The following PCBP3 variants were observed in gnomAD, a reference collection of about 807,000 sequenced individuals.
The protein encoded by PCBP3 is poly(rC)-binding protein 3.
In PCBP3, 25 loss-of-function variants were observed where a neutral mutation model predicts 52.7. That is an observed-to-expected ratio of 0.47 (90% CI 0.35 to 0.66). The LOEUF is 0.66. PCBP3 is among the 30% of genes least tolerant of loss of function. PCBP3 has a pLI of 0.01. For missense variants in PCBP3, 391 were observed against 490.3 expected (o/e 0.80, Z 1.91); for synonymous variants, 162 against 183.0 (o/e 0.89, Z 0.93).
intron 2 of PCBP3, among the ~76,000 whole-genome samples, chr21:45,722,951 T>C (rs1336882294): frequency 6.6e-6 from 1 of 151,308 alleles, no homozygotes; most frequent in African/African-American, 2.4e-5. Context: ...GAGGTGGAGG[T>C]TGCAGTGAGC....
chr21:45,939,913 T>C, intron 16 of PCBP3, 117 bp from the exon 17 acceptor site: 1 of 900,048 alleles, frequency 1.1e-6, no homozygotes. Context: ...GCTCAGGTCT[T>C]GGGGCAGAGT....
chr21:45,695,613 A>G (rs565016103), intron 2 of PCBP3, among the ~76,000 whole-genome samples: 12 of 152,214 alleles, frequency 7.9e-5, no homozygotes, highest in Non-Finnish European at 1.8e-4. Context: ...TATTCTTTAC[A>G]GTGGCCTTTA....
At chr21:45,930,111 G>C in intron 14 of PCBP3, 116 bp downstream of exon 14, 1 of 688,932 alleles carries the variant, frequency 1.5e-6, no homozygotes, top group South Asian at 2.3e-5. Flanking sequence ...TGTGAGTGCC[G>C]GTGCTGCGGC....
intron 16 of PCBP3, 107 bp from the exon 17 acceptor site, chr21:45,939,923 T>G (rs1282286923): frequency 9.9e-7 from 1 of 1,008,416 alleles, no homozygotes; most frequent in Non-Finnish European, 1.5e-6. Context: ...TGGGGCAGAG[T>G]CCAAGGCTGG....
intron 4 of PCBP3, among the ~76,000 whole-genome samples, chr21:45,773,592 C>T (rs61100346): frequency 0.18 from 28,123 of 152,124 alleles, 2,763 homozygotes; most frequent in Middle Eastern, 0.33. Flanking sequence ...GCTCCAGTGA[C>T]CTCTGTGTCT....
At chr21:45,731,744 G>A (rs2085469974) in intron 2 of PCBP3, among the ~76,000 whole-genome samples, 1 of 152,176 alleles carries the variant, frequency 6.6e-6, no homozygotes, top group Non-Finnish European at 1.5e-5. Context: ...TCATCTGCAA[G>A]TAATATCATA....
chr21:45,799,039 A>G (rs149488212), intron 4 of PCBP3, among the ~76,000 whole-genome samples: 31 of 151,544 alleles, frequency 2.0e-4, no homozygotes, highest in African/African-American at 7.0e-4. Flanking sequence ...GGATGAATGC[A>G]TGGATCTGTA....
chr21:45,837,693 A>C lies in PCBP3; in HGVS notation c.-125-12268A>C, dbSNP rs1290443193. Among the ~76,000 whole-genome samples the C allele has an allele frequency of 6.6e-6, 1 of 152,102 alleles. No individual in the cohort carries two copies. Among genetic ancestry groups the C allele is most frequent in the Non-Finnish European group, 1.5e-5 (1 of 68,022 alleles). On this transcript the variant is annotated intron_variant, in intron 4 of 17. Coordinates refer to ENST00000681687, the MANE Select transcript of PCBP3 (RefSeq NM_001384156.1). The surrounding 1 kb of genome is among the most constrained non-coding windows in gnomAD (Gnocchi z 4.1). The stretch of plus-strand genomic sequence containing the variant: ...AGGTCTGAGGTGCGATTCCACTCAG[A>C]TTTATTTTTCCTGTGAGGCGAGCGA...
rs1203701457 is a variant in PCBP3, at chr21:45,911,209, C to G, written c.600+179C>G. The G allele has an allele frequency of 1.3e-5, 9 of 705,440 alleles. No homozygotes were observed. The East Asian group carries it at 2.5e-4, about 19-fold the overall frequency. 43.7% of individuals were successfully genotyped at this position (705,440 alleles called of 1,614,324 possible). A position where few individuals can be genotyped will look rare whatever the true frequency, so the allele number is the denominator to read the frequency against. ...TGCCGGTATGGGCGCCACAGGGGTGCTGGGGCTGCCAGCTCAGGGTCCAGT... is the reference window on the plus strand; with the variant it reads ...TGCCGGTATGGGCGCCACAGGGGTGGTGGGGCTGCCAGCTCAGGGTCCAGT... On this transcript the variant is annotated intron_variant, in intron 11 of 17. Coordinates refer to ENST00000681687, the MANE Select transcript of PCBP3 (RefSeq NM_001384156.1).
chr21:45,891,174 G>GCCGTGCC (rs1569451473), intron 5 of PCBP3, among the ~76,000 whole-genome samples: 1 of 133,590 alleles, frequency 7.5e-6, no homozygotes, highest in Non-Finnish European at 1.7e-5. Context: ...TAGTGGAACC[G>GCCGTGCC]CCGTGCCGCA....
In PCBP3 at chr21:45,900,885, G is replaced by A. The variant is rs1297472483; in HGVS notation, c.223-112G>A. 1.8e-5 allele frequency: 14 copies of A among 777,458 alleles called. 1 individual carries two copies. Among genetic ancestry groups the A allele is most frequent in the South Asian group, 5.8e-5 (4 of 68,974 alleles). 48.2% of individuals were successfully genotyped at this position (777,458 alleles called of 1,614,324 possible). A position where few individuals can be genotyped will look rare whatever the true frequency, so the allele number is the denominator to read the frequency against. On this transcript the variant is annotated intron_variant, in intron 8 of 17. Coordinates refer to ENST00000681687, the MANE Select transcript of PCBP3 (RefSeq NM_001384156.1). The stretch of plus-strand genomic sequence containing the variant: ...ATTTTACTGTTCATTCATGGTTTCC[G>A]TCAGCGGACAGAGGCATGTGTTTGT...
At chr21:45,910,878 C>A in intron 10 of PCBP3, 24 bp from the exon 11 acceptor site, 1 of 1,579,190 alleles carries the variant, frequency 6.3e-7, no homozygotes. Context: ...CCTGGTGCTC[C>A]CTTCCAATGT....
intron 4 of PCBP3, among the ~76,000 whole-genome samples, chr21:45,785,034 G>GCC (rs1392652377): frequency 6.6e-6 from 1 of 151,406 alleles, no homozygotes; most frequent in Non-Finnish European, 1.5e-5. Context: ...CTGCCCGGCC[G>GCC]CCCATCATCT....
intron 4 of PCBP3, chr21:45,762,836 C>G (rs2088851034): frequency 6.6e-6 from 1 of 152,210 alleles, no homozygotes. Context: ...GGCATTTTCT[C>G]AAACCACCTC....
chr21:45,933,813 G>A (rs1485012387), intron 15 of PCBP3, among the ~76,000 whole-genome samples: 3 of 152,182 alleles, frequency 2.0e-5, no homozygotes, highest in African/African-American at 4.8e-5. Flanking sequence ...ACAGTGAGAG[G>A]TGGTGCCAGT....
chr21:45,905,284 C>T (rs1287212623), intron 9 of PCBP3, among the ~76,000 whole-genome samples: 2 of 152,210 alleles, frequency 1.3e-5, no homozygotes, highest in Non-Finnish European at 2.9e-5. Context: ...CATCTGCAGT[C>T]ACCACCTCTC....
rs34142541 is a variant in PCBP3, at chr21:45,704,367, G to A, written c.-199-31025G>A. On this transcript the variant is annotated intron_variant, in intron 2 of 17. Coordinates refer to ENST00000681687, the MANE Select transcript of PCBP3 (RefSeq NM_001384156.1). The surrounding 1 kb of genome is among the most constrained non-coding windows in gnomAD (Gnocchi z 4.1). ...AAAGGAGTAAGGAAACATGGTGGTT[G>A]GTGGGGGAACTGGGAACAAGAGCAG... Among the ~76,000 whole-genome samples, 8,056 of 152,266 alleles carry A rather than the reference G, an allele frequency of 0.053. 282 individuals carry two copies. The highest frequency in any genetic ancestry group is 0.08 in the Non-Finnish European group (5,474 of 68,004).
chr21:45,732,215 C>T (rs1489832366), intron 2 of PCBP3, among the ~76,000 whole-genome samples: 1 of 152,118 alleles, frequency 6.6e-6, no homozygotes, highest in African/African-American at 2.4e-5. Flanking sequence ...TGGCTCCTGA[C>T]TTGCACTGTT....
At chr21:45,675,609 G>A (rs895995721) in intron 2 of PCBP3, among the ~76,000 whole-genome samples, 3 of 152,172 alleles carry the variant, frequency 2.0e-5, no homozygotes, top group Admixed American at 6.5e-5. Context: ...GCAGAGCGGG[G>A]CCTCAAACCC....
Sources: allele counts gnomAD v4.1 joint callset (sites outside exome capture counted in the v4.1 genomes callset), GRCh38; gene constraint gnomAD v4.1.1; non-coding constraint Gnocchi (gnomAD v3.1); transcripts MANE v1.5; gene names NCBI Gene and HGNC (gene_info 2026-07-23, HGNC 2026-07-21).